The following INTS6 variants were observed in gnomAD, a reference collection of about 807,000 sequenced individuals.
The protein encoded by INTS6 is DEAD box protein.
Under a neutral mutation model 104.9 loss-of-function variants are expected in INTS6, and 16 were observed. The ratio of observed to expected loss-of-function variants is 0.15; its 90% confidence interval spans 0.10 to 0.23. The LOEUF (loss-of-function observed/expected upper bound fraction) is 0.23, where lower values mean the gene tolerates loss of function less well. Among genes scored for constraint, INTS6 ranks in the 10% least tolerant of loss-of-function variants. The pLI is 1.00. For synonymous variants in INTS6, 324 were observed against 358.7 expected (o/e 0.90, Z 1.09); for missense variants, 584 against 1,062.8 (o/e 0.55, Z 6.26).
intron 4 of INTS6, among the ~76,000 whole-genome samples, chr13:51,408,889 AAT>A (rs1035652464): frequency 6.6e-6 from 1 of 152,182 alleles, no homozygotes; most frequent in Non-Finnish European, 1.5e-5. Context: ...TCATCACTTT[AAT>A]ATATTTCTTT....
rs745599737 is a variant in INTS6, at chr13:51,378,357, A to G, written c.1484T>C (p.Met495Thr). ...KVRSRSHGLSMAYRKDFQQLL... is the reference protein window; with the variant it reads ...KVRSRSHGLSTAYRKDFQQLL... ...TTGTTGAAAATCTTTCCTATATGCC[A>G]TTGATAAACCATGTGATCGGCTCCG... The change falls in exon 12 of 18, where the codon ATG becomes ACG. Residue 495 changes from methionine to threonine, a missense_variant. Met to Thr is a moderately conservative substitution (Grantham distance 81, BLOSUM62 -1). This residue lies in a region of INTS6 where 74 missense variants were observed against 64.4 expected (regional missense o/e 1.15). Transcript: ENST00000311234. 3 of 1,613,498 alleles carry G rather than the reference A, an allele frequency of 1.9e-6. No individual in the cohort carries two copies. Among genetic ancestry groups the G allele is most frequent in the South Asian group, 2.2e-5 (2 of 91,072 alleles).
intron 4 of INTS6, among the ~76,000 whole-genome samples, chr13:51,400,614 A>G (rs541370566): frequency 1.3e-5 from 2 of 152,314 alleles, no homozygotes; most frequent in East Asian, 3.9e-4. Flanking sequence ...TACACGTGGT[A>G]GTCTATTTCT....
chr13:51,416,172 A>T (rs1956782974), intron 4 of INTS6, among the ~76,000 whole-genome samples: 2 of 152,232 alleles, frequency 1.3e-5, no homozygotes, highest in South Asian at 4.1e-4. Flanking sequence ...AGATAACAGA[A>T]ATGATCTCTA....
intron 3 of INTS6, 88 bp from the exon 4 acceptor site, chr13:51,430,471 A>C: frequency 1.1e-6 from 1 of 885,636 alleles, no homozygotes; most frequent in Admixed American, 2.2e-5. Flanking sequence ...CATATATACG[A>C]TCTCCCTTTC....
At chr13:51,400,390 A>T (rs1215282787) in intron 4 of INTS6, among the ~76,000 whole-genome samples, 1 of 152,164 alleles carries the variant, frequency 6.6e-6, no homozygotes, top group Non-Finnish European at 1.5e-5. Context: ...TTGTTTCCTC[A>T]TAGATAATGA....
At chr13:51,436,571 T>C (rs1276206199) in intron 3 of INTS6, 1 of 152,154 alleles carries the variant, frequency 6.6e-6, no homozygotes, top group Non-Finnish European at 1.5e-5. Context: ...AACTCCATCC[T>C]GGAATTTGAT....
At chr13:51,344,382 G>A in the INTS6 span, 4 of 1,612,960 alleles carry the variant, frequency 2.5e-6, no homozygotes, top group African/African-American at 5.3e-5. Context: ...GCTTTGTGGA[G>A]CACGTCTCCT....
chr13:51,379,636 AGTCT>A (rs1467839906), intron 10 of INTS6, 64 bp from the exon 11 acceptor site: 14 of 879,864 alleles, frequency 1.6e-5, no homozygotes, highest in African/African-American at 1.4e-4. Context: ...TTCCATGTAT[AGTCT>A]GTCTTAAAAT....
chr13:51,446,819 T>A (rs1008978091), intron 3 of INTS6: 2 of 152,248 alleles, frequency 1.3e-5, no homozygotes, highest in African/African-American at 2.4e-5. Context: ...AAATACTGTA[T>A]GATTTCACTT....
chr13:51,341,955 G>C, the INTS6 span, among the ~76,000 whole-genome samples: 1 of 152,148 alleles, frequency 6.6e-6, no homozygotes, highest in Non-Finnish European at 1.5e-5. Context: ...GCCAGTGCCA[G>C]ATCTGCCAGC....
intron 11 of INTS6, among the ~76,000 whole-genome samples, chr13:51,378,839 T>C (rs945605194): frequency 2.6e-5 from 4 of 152,152 alleles, no homozygotes; most frequent in African/African-American, 9.6e-5. Flanking sequence ...TACTAGCACA[T>C]CAATATGGCA....
At chr13:51,344,390 C>G in the INTS6 span, 8 of 1,612,568 alleles carry the variant, frequency 5.0e-6, no homozygotes, top group Non-Finnish European at 6.8e-6. Context: ...GAGCACGTCT[C>G]CTGGTGGGCT....
the INTS6 span, among the ~76,000 whole-genome samples, chr13:51,338,386 G>A: frequency 1.3e-5 from 2 of 152,264 alleles, no homozygotes; most frequent in African/African-American, 4.8e-5. Context: ...CCAGAACCTA[G>A]CAGCACAGTG....
chr13:51,352,068 T>C (rs1593641514), downstream of INTS6, among the ~76,000 whole-genome samples: 2 of 152,144 alleles, frequency 1.3e-5, no homozygotes, highest in Non-Finnish European at 2.9e-5. Context: ...TTCTTCTTTT[T>C]CAAGATTGTT....
rs1555283860 is a variant in INTS6 at position 51,375,764 on chromosome 13, T to TGC, written c.1729+283_1729+284insGC. 2.0e-3 allele frequency among the ~76,000 whole-genome samples: 309 copies of TGC among 150,948 alleles called. 1 individual carries two copies. Among genetic ancestry groups the TGC allele is most frequent in the East Asian group, 0.016 (81 of 5,146 alleles). Reference sequence around the variant, plus strand: ...GTGTGTGTGTGTGTGTGTGTGTGTGTGTGCGCGCGCGTGCGCGCATGAATG... The same window carrying TGC: ...GTGTGTGTGTGTGTGTGTGTGTGTGTGCGTGCGCGCGCGTGCGCGCATGAATG... On this transcript the variant is annotated intron_variant, in intron 13 of 17. Coordinates refer to ENST00000311234, the MANE Select transcript of INTS6 (RefSeq NM_012141.3).
At position 51,378,412 on chromosome 13, in the gene INTS6, T is replaced by C. The variant is rs1009778257; in HGVS notation, c.1429A>G (p.Lys477Glu). The change falls in exon 12 of 18, where the codon AAA (lysine) becomes GAA (glutamate). Residue 477 changes from lysine (K) to glutamate (E), a missense_variant. Physicochemically the swap from Lys to Glu is moderately conservative, Grantham distance 56. Coordinates refer to ENST00000311234, the MANE Select transcript of INTS6 (RefSeq NM_012141.3). ...SDRVIGSVGK[K>E]VVQETGIKVR... ...TTTATTCCAGTCTCCTGTACTACTT[T>C]TTTGCCTACAGATCCAATGACTCGA... 3.7e-6 allele frequency: 6 copies of C among 1,613,314 alleles called. No individual in the cohort carries two copies. Among genetic ancestry groups the C allele is most frequent in the Non-Finnish European group, 5.1e-6 (6 of 1,179,482 alleles).
chr13:51,451,857 G>T, intron 2 of INTS6, 121 bp downstream of exon 2: 1 of 625,518 alleles, frequency 1.6e-6, no homozygotes, highest in Non-Finnish European at 2.8e-6. Flanking sequence ...GACCTCAGCG[G>T]CTGGGAGCGC....
At chr13:51,349,662 GC>G (rs1955386300), downstream of INTS6, among the ~76,000 whole-genome samples, 1 of 152,178 alleles carries the variant, frequency 6.6e-6, no homozygotes, top group Non-Finnish European at 1.5e-5. Context: ...GAAATTCCCA[GC>G]TCCACTGAGA....
At chr13:51,355,842 G>T (rs973107450) in intron 3 of INTS6, among the ~76,000 whole-genome samples, 1 of 152,160 alleles carries the variant, frequency 6.6e-6, no homozygotes, top group Non-Finnish European at 1.5e-5. Context: ...CAAAGGCTCA[G>T]GTTTGTTTCT....
Sources: allele counts gnomAD v4.1 joint callset (sites outside exome capture counted in the v4.1 genomes callset), GRCh38; gene constraint gnomAD v4.1.1; regional missense constraint gnomAD v4.1.1; transcripts MANE v1.5; gene names NCBI Gene and HGNC (gene_info 2026-07-23, HGNC 2026-07-21).